Variants in CCDC9B observed in about 807,000 individuals in gnomAD.
CCDC9B encodes coiled-coil domain containing 9B, also known as coiled-coil domain-containing protein 9B.
Under a neutral mutation model 47.2 loss-of-function variants are expected in CCDC9B, and 40 were observed. The observed-to-expected ratio is 0.85, with a 90% CI of 0.66 to 1.10. The LOEUF is 1.10. Among genes scored for constraint, CCDC9B ranks in the 50% least tolerant of loss-of-function variants. The pLI is 0.00. For synonymous variants in CCDC9B, 238 were observed against 250.7 expected (o/e 0.95, Z 0.48); for missense variants, 662 against 651.0 (o/e 1.02, Z -0.18).
rs894664120 is a variant in CCDC9B at position 40,335,191 on chromosome 15, C to G, written c.1440G>C (p.Arg480Ser). The change falls in exon 11 of 11, where the codon AGG (arginine) becomes AGC (serine). Residue 480 changes from arginine (R) to serine (S), a missense_variant. Physicochemically the swap from Arg to Ser is moderately radical, Grantham distance 110 (BLOSUM62 -1). Coordinates refer to ENST00000397536, the MANE Select transcript of CCDC9B (RefSeq NM_207380.3). ...TTCCTGCCGGGCCAGGGCGCCCTGT[C>G]CTGCGCCTCACACCTGCTGTGCCTC... ...RSRGTAGVRR[R>S]TGRPGPAGRC 6.5e-7 allele frequency: 1 copy of G among 1,542,900 alleles called. No individual in the cohort carries two copies. Among genetic ancestry groups the G allele is most frequent in the Non-Finnish European group, 8.7e-7 (1 of 1,143,656 alleles).
At chr15:40,339,151 C>T (rs1046044830) in intron 3 of CCDC9B, 3 of 607,858 alleles carry the variant, frequency 4.9e-6, no homozygotes, top group Non-Finnish European at 8.8e-6. Context: ...AGCACTCAAA[C>T]AATGGGTCTC....
At position 40,337,427 on chromosome 15, in the gene CCDC9B, G is replaced by T; in HGVS notation, c.703C>A (p.Leu235Met). ...GCCCTGGCCGGGCCTTCTCCCCTCA[G>T]CTGGCTGCAGTCCTGTAGCCTGTGT... ...AKSTLQDCSQ[L>M]RGEGPARAGS... The change falls in exon 7 of 11, where the codon CTG (leucine) becomes ATG (methionine). Residue 235 changes from leucine (L) to methionine (M), a missense_variant. Leu to Met is a conservative substitution (Grantham distance 15, BLOSUM62 2). Transcript: ENST00000397536. The T allele has an allele frequency of 6.3e-7, 1 of 1,597,944 alleles. No homozygotes were observed. The highest frequency in any genetic ancestry group is 1.3e-5 in the African/African-American group (1 of 74,704).
chr15:40,340,923 CGGCTTCGCTGCTCAGCA>C, exon 1 of CCDC9B: 1 of 1,608,328 alleles, frequency 6.2e-7, no homozygotes, highest in East Asian at 2.2e-5. Context: ...CTCTCCCTGC[CGGCTTCGCTGCTCAGCA>C]CACGAGATCA....
chr15:40,338,568 C>T lies in CCDC9B; in HGVS notation c.480G>A (p.Thr160=), dbSNP rs751019527. 12 of 1,614,146 alleles carry T rather than the reference C, an allele frequency of 7.4e-6. No individual in the cohort carries two copies. The highest frequency in any genetic ancestry group is 2.2e-5 in the South Asian group (2 of 91,078). Residue 160 remains threonine (T), a synonymous_variant, in exon 5 of 11, where the codon ACG becomes ACA. Transcript: ENST00000397536. ...PGGRVTRSPP[T]QVAISSDSAR... is the part of the protein sequence containing the mutation. The stretch of plus-strand genomic sequence containing the variant: ...CAGAATCTGAGCTGATGGCCACCTG[C>T]GTGGGGGGGCTTCGGGTCACACGCC...
Position 40,339,623 on chromosome 15 carries a change from T to C in CCDC9B, c.124-4A>G. The C allele has an allele frequency of 6.2e-7, 1 of 1,612,750 alleles. No homozygotes were observed. The highest frequency in any genetic ancestry group is 8.5e-7 in the Non-Finnish European group (1 of 1,179,844). ...GCCGACGGTCCTCCTGGATCTCCTG[T>C]GGGAGGGCTGGGGGTCAGCACACGC... is the stretch of plus-strand genomic sequence containing the variant. On this transcript the variant is annotated splice_region_variant and splice_polypyrimidine_tract_variant and intron_variant, in intron 2 of 10. Coordinates refer to ENST00000397536, the MANE Select transcript of CCDC9B (RefSeq NM_207380.3).
intron 6 of CCDC9B, 29 bp downstream of exon 6, chr15:40,337,695 C>T (rs909395603): frequency 7.7e-6 from 12 of 1,567,530 alleles, no homozygotes; most frequent in Middle Eastern, 2.0e-4. Flanking sequence ...TCCCGCACCA[C>T]AGGCAACCTG....
chr15:40,333,733 C>T lies in CCDC9B; in HGVS notation c.*1425G>A. On this transcript the variant is annotated 3_prime_UTR_variant, in exon 11 of 11. Transcript: ENST00000397536. ...AGAGGGGTGGGGTGGAGTTGAGAGCCAGTGAGGAAGGCTGAGCTGGGACCC... is the reference window on the plus strand; with the variant it reads ...AGAGGGGTGGGGTGGAGTTGAGAGCTAGTGAGGAAGGCTGAGCTGGGACCC... 1.4e-6 allele frequency: 1 copy of T among 698,276 alleles called. No individual in the cohort carries two copies. The highest frequency in any genetic ancestry group is 1.8e-6 in the Non-Finnish European group (1 of 568,618). The allele number at this position is 698,276 out of a possible 1,614,324, so 43.3% of individuals were successfully genotyped here.
rs4924454 is a variant in CCDC9B, at chr15:40,332,573, C to G, written c.*2585G>C. The G allele has an allele frequency of 0.88, 133,601 of 152,360 alleles. 59,053 individuals are homozygous for G. Among genetic ancestry groups the G allele is most frequent in the East Asian group, 1 (5,183 of 5,186 alleles). The allele number at this position is 152,360 out of a possible 1,614,324, so 9.4% of individuals were successfully genotyped here. ...TCAGTCCCATTGTGAGGGCTGAACC[C>G]GAGCTCTGCCTGCTTCCTACATCCT... On this transcript the variant is annotated 3_prime_UTR_variant, in exon 11 of 11. Coordinates refer to ENST00000397536, the MANE Select transcript of CCDC9B (RefSeq NM_207380.3).
intron 1 of CCDC9B, 103 bp downstream of exon 1, chr15:40,340,705 C>T: frequency 8.9e-7 from 1 of 1,127,756 alleles, no homozygotes; most frequent in Non-Finnish European, 1.2e-6. Flanking sequence ...CTTCTTCCTC[C>T]CAGCCCCAGC....
chr15:40,335,850 C>A, intron 9 of CCDC9B, 24 bp from the exon 10 acceptor site: 1 of 1,603,296 alleles, frequency 6.2e-7, no homozygotes, highest in Non-Finnish European at 8.5e-7. Context: ...GCTCATGGCA[C>A]GCCCCACCCC....
At chr15:40,339,756 T>C in intron 2 of CCDC9B, 137 bp from the exon 3 acceptor site, 1 of 1,461,050 alleles carries the variant, frequency 6.8e-7, no homozygotes, top group Non-Finnish European at 9.2e-7. Context: ...CCCAGGACCC[T>C]CACCAAGCCT....
At chr15:40,338,383 A>G in intron 5 of CCDC9B, 152 bp downstream of exon 5, 2 of 907,378 alleles carry the variant, frequency 2.2e-6, no homozygotes, top group Non-Finnish European at 3.4e-6. Flanking sequence ...CAAAGTAGAG[A>G]CTGGCCAGAG....
chr15:40,335,618 C>T lies in CCDC9B; in HGVS notation c.1013G>A (p.Ser338Asn), dbSNP rs1314116864. 1.3e-6 allele frequency: 2 copies of T among 1,500,008 alleles called. No individual in the cohort carries two copies. The highest frequency in any genetic ancestry group is 2.8e-5 in the African/African-American group (2 of 72,028). 92.9% of individuals were successfully genotyped at this position (1,500,008 alleles called of 1,614,324 possible). A position where few individuals can be genotyped will look rare whatever the true frequency, so the allele number is the denominator to read the frequency against. The change falls in exon 11 of 11, where the codon AGC becomes AAC. Residue 338 changes from serine (S) to asparagine (N), a missense_variant. By Grantham distance (46) the Ser-to-Asn change is conservative (BLOSUM62 1). Transcript: ENST00000397536. Reference protein sequence around the residue: ...QSGMEQGRLGSAPAASPALAS... With the variant: ...QSGMEQGRLGNAPAASPALAS... ...CAGGGCTGGGCTGGCTGCAGGGGCG[C>T]TCCCCAGTCGGCCCTGCTCCATCCC...
intron 3 of CCDC9B, 122 bp from the exon 4 acceptor site, chr15:40,339,025 G>A (rs746238080): frequency 4.5e-6 from 5 of 1,100,786 alleles, no homozygotes; most frequent in African/African-American, 3.1e-5. Context: ...CCCCACAGAA[G>A]AGCTGACTCC....
In CCDC9B at chr15:40,337,839, C is replaced by A. The variant is rs993602849; in HGVS notation, c.568G>T (p.Asp190Tyr). 6.2e-7 allele frequency: 1 copy of A among 1,609,398 alleles called. No homozygotes were observed. The highest frequency in any genetic ancestry group is 2.2e-5 in the East Asian group (1 of 44,840). The change falls in exon 6 of 11, where the codon GAC (aspartate) becomes TAC (tyrosine). Residue 190 changes from aspartate (D) to tyrosine (Y), a missense_variant. Coordinates refer to ENST00000397536, the MANE Select transcript of CCDC9B (RefSeq NM_207380.3). ...CGCTCCTGCTTCCACTGGGCATAGT[C>A]CCAGCCCGCCTCCGGGGGCTCCCCC... ...PVGEPPEAGW[D>Y]YAQWKQEREQ...
intron 1 of CCDC9B, 28 bp downstream of exon 1, chr15:40,340,780 C>T: frequency 6.3e-7 from 1 of 1,595,414 alleles, no homozygotes; most frequent in Non-Finnish European, 8.5e-7. Context: ...CCCAAGAAGC[C>T]CCCTGCCAAA....
At position 40,335,287 on chromosome 15, in the gene CCDC9B, A is replaced by C; in HGVS notation, c.1344T>G (p.Ser448=). The C allele has an allele frequency of 6.2e-7, 1 of 1,611,762 alleles. No individual in the cohort carries two copies. The highest frequency in any genetic ancestry group is 1.1e-5 in the South Asian group (1 of 91,004). The change falls in exon 11 of 11, where the codon TCT becomes TCG. Residue 448 remains serine, a synonymous_variant. Transcript: ENST00000397536. ...AGLPEPGEDR[S]GKSGAQQGLA... is the part of the protein sequence containing the mutation. The stretch of plus-strand genomic sequence containing the variant: ...GGCCCTGCTGGGCCCCAGACTTGCC[A>C]GACCTGTCTTCTCCGGGCTCTGGGA...
chr15:40,335,011 A>G lies in CCDC9B; in HGVS notation c.*147T>C. ...CAGGGAGGCCACTCCTTGCCCTCACAAGGTCGCCATGCTGGAGAGTTTGCC... is the reference window on the plus strand; with the variant it reads ...CAGGGAGGCCACTCCTTGCCCTCACGAGGTCGCCATGCTGGAGAGTTTGCC... On this transcript the variant is annotated 3_prime_UTR_variant, in exon 11 of 11. Coordinates refer to ENST00000397536, the MANE Select transcript of CCDC9B (RefSeq NM_207380.3). The G allele has an allele frequency of 7.2e-6, 5 of 691,908 alleles. No individual in the cohort carries two copies. Among genetic ancestry groups the G allele is most frequent in the Non-Finnish European group, 1.2e-5 (5 of 432,458 alleles). The allele number at this position is 691,908 out of a possible 1,614,324, so 42.9% of individuals were successfully genotyped here. A position where few individuals can be genotyped will look rare whatever the true frequency, so the allele number is the denominator to read the frequency against.
chr15:40,340,703 T>C, intron 1 of CCDC9B, 105 bp downstream of exon 1: 2 of 1,101,768 alleles, frequency 1.8e-6, no homozygotes, highest in Non-Finnish European at 1.3e-6. Context: ...GCCTTCTTCC[T>C]CCCAGCCCCA....
Sources: gnomAD v4.1 joint callset for allele counts on GRCh38, gnomAD v4.1.1 for gene constraint, MANE v1.5 for transcripts, NCBI Gene and HGNC (gene_info 2026-07-23, HGNC 2026-07-21) for gene names.